SEMA4F: variants seen among roughly 807,000 people sequenced by gnomAD.
SEMA4F encodes the protein ssemaphorin 4F.
Under a neutral mutation model 78.4 loss-of-function variants are expected in SEMA4F, and 51 were observed. The ratio of observed to expected loss-of-function variants is 0.65; its 90% confidence interval spans 0.52 to 0.82. SEMA4F has a LOEUF of 0.82. Ranked by LOEUF, SEMA4F falls within the 40% of genes least tolerant of loss-of-function variation. The pLI, the probability that SEMA4F is intolerant of heterozygous loss-of-function variation, is 0.00. For synonymous variants in SEMA4F, 418 were observed against 408.7 expected, an observed-to-expected ratio of 1.02 and a Z score of -0.27; for missense variants, 938 against 1,014.4, an observed-to-expected ratio of 0.92 and a Z score of 1.02.
the SEMA4F span, among the ~76,000 whole-genome samples, chr2:74,692,218 A>T: frequency 0.082 from 12,557 of 152,238 alleles, 1,764 homozygotes; most frequent in African/African-American, 0.29. Flanking sequence ...AGTAAGGATC[A>T]GATGCACCAC....
At chr2:74,693,024 G>A in the SEMA4F span, among the ~76,000 whole-genome samples, 1 of 152,190 alleles carries the variant, frequency 6.6e-6, no homozygotes, top group Non-Finnish European at 1.5e-5. Flanking sequence ...ATAGGCCAGA[G>A]ATACAATCTG....
Position 74,657,577 on chromosome 2 carries a change from G to A in SEMA4F, c.310G>A (p.Val104Ile). Reference sequence around the variant, plus strand: ...TCTCCTTTCTCAGATTGACTGGATGGTTCCTGAGGCTCACAGACAGAACTG... The same window carrying A: ...TCTCCTTTCTCAGATTGACTGGATGATTCCTGAGGCTCACAGACAGAACTG... ...GERPRRIDWM[V>I]PEAHRQNCRK... The change falls in exon 3 of 14, where the codon GTT (valine) becomes ATT (isoleucine). Residue 104 changes from valine to isoleucine, a missense_variant. Transcript: ENST00000357877. 1 of 1,614,156 alleles carries A rather than the reference G, an allele frequency of 6.2e-7. No homozygotes were observed. The highest frequency in any genetic ancestry group is 1.1e-5 in the South Asian group (1 of 91,086).
At chr2:74,684,776 C>T (rs1411227603), downstream of SEMA4F, among the ~76,000 whole-genome samples, 1 of 152,130 alleles carries the variant, frequency 6.6e-6, no homozygotes, top group Non-Finnish European at 1.5e-5. Context: ...GCAGCCAGGG[C>T]AAAATGACGG....
At chr2:74,677,045 G>A (rs1263148140) in intron 12 of SEMA4F, among the ~76,000 whole-genome samples, 5 of 152,052 alleles carry the variant, frequency 3.3e-5, no homozygotes, top group Non-Finnish European at 7.4e-5. Flanking sequence ...GGGATTACAG[G>A]TGCCCGCCAC....
chr2:74,672,067 C>T (rs752037600), intron 5 of SEMA4F, among the ~76,000 whole-genome samples: 3 of 152,196 alleles, frequency 2.0e-5, no homozygotes, highest in Admixed American at 6.5e-5. Flanking sequence ...TCACTTTCCT[C>T]CTAAAAAAAG....
In SEMA4F at chr2:74,662,792, G is replaced by C. The variant is rs1354411590; in HGVS notation, c.517G>C (p.Glu173Gln). The C allele has an allele frequency of 2.5e-6, 4 of 1,614,060 alleles. No homozygotes were observed. The African/African-American group carries it at 5.3e-5, about 22-fold the overall frequency. The change falls in exon 5 of 14, where the codon GAG (glutamate) becomes CAG (glutamine). Residue 173 changes from glutamate (E) to glutamine (Q), a missense_variant. Glu to Gln is a conservative substitution (Grantham distance 29). Transcript: ENST00000357877. ...LESGRGKCPFEPAQRSAAVMA... is the reference protein window; with the variant it reads ...LESGRGKCPFQPAQRSAAVMA... ...GAGTGGCCGGGGGAAATGTCCTTTT[G>C]AGCCAGCTCAGCGGTCAGCAGCTGT...
chr2:74,677,311 G>A (rs1685346418), intron 12 of SEMA4F, among the ~76,000 whole-genome samples: 1 of 152,090 alleles, frequency 6.6e-6, no homozygotes, highest in African/African-American at 2.4e-5. Flanking sequence ...ACAACCATCA[G>A]CTCCTGGTCA....
At chr2:74,684,750 G>A (rs1194315561), downstream of SEMA4F, among the ~76,000 whole-genome samples, 1 of 152,176 alleles carries the variant, frequency 6.6e-6, no homozygotes, top group African/African-American at 2.4e-5. Flanking sequence ...GATCACTTGA[G>A]CCCAGGAGTT....
At chr2:74,679,177 A>G (rs1423157074) in intron 12 of SEMA4F, 99 bp from the exon 13 acceptor site, 1 of 952,260 alleles carries the variant, frequency 1.1e-6, no homozygotes, top group Non-Finnish European at 1.7e-6. Flanking sequence ...GATTTCTGGG[A>G]TGATGGGAGA....
intron 4 of SEMA4F, among the ~76,000 whole-genome samples, chr2:74,660,583 A>AATG (rs1416858872): frequency 6.6e-6 from 1 of 152,248 alleles, no homozygotes; most frequent in Admixed American, 6.5e-5. Context: ...TGACTAACAC[A>AATG]ATGATGATAC....
chr2:74,674,475 C>T (rs363608), intron 7 of SEMA4F, 23 bp from the exon 8 acceptor site: 289,050 of 1,590,170 alleles, frequency 0.18, 40,709 homozygotes, highest in East Asian at 0.84. Flanking sequence ...TAAAGAGAAC[C>T]TCCCATGTGT....
chr2:74,674,972 A>G lies in SEMA4F; in HGVS notation c.1086A>G (p.Lys362=). The change falls in exon 9 of 14, where the codon AAA becomes AAG. Residue 362 remains lysine (K), a synonymous_variant. Coordinates refer to ENST00000357877, the MANE Select transcript of SEMA4F (RefSeq NM_004263.5). The part of the protein sequence containing the change: ...TVLNGPFREL[K]HDCNRGLPVV... ...TGAATGGTCCCTTCAGAGAACTAAA[A>G]CATGACTGCAACAGAGGACTGCCTG... The G allele has an allele frequency of 6.2e-7, 1 of 1,613,438 alleles. No individual in the cohort carries two copies. Among genetic ancestry groups the G allele is most frequent in the East Asian group, 2.2e-5 (1 of 44,808 alleles).
chr2:74,656,459 C>T (rs1350821695), intron 1 of SEMA4F, 75 bp from the exon 2 acceptor site: 25 of 1,485,532 alleles, frequency 1.7e-5, no homozygotes, highest in Non-Finnish European at 2.1e-5. Context: ...CAAAAATTGG[C>T]CCCTTTGGTT....
chr2:74,677,395 C>A (rs946616445), intron 12 of SEMA4F, among the ~76,000 whole-genome samples: 1 of 152,094 alleles, frequency 6.6e-6, no homozygotes, highest in Non-Finnish European at 1.5e-5. Context: ...TCACTTCATC[C>A]ATAAATCTTT....
At chr2:74,692,926 T>G in the SEMA4F span, among the ~76,000 whole-genome samples, 1 of 152,204 alleles carries the variant, frequency 6.6e-6, no homozygotes, top group African/African-American at 2.4e-5. Flanking sequence ...TGAAAGAAAT[T>G]TATCTAAACA....
chr2:74,691,225 A>G, the SEMA4F span, among the ~76,000 whole-genome samples: 1 of 152,242 alleles, frequency 6.6e-6, no homozygotes, highest in African/African-American at 2.4e-5. Context: ...TAAATATGTC[A>G]ACCGTAAAAA....
the SEMA4F span, among the ~76,000 whole-genome samples, chr2:74,692,076 C>T: frequency 1.6e-4 from 24 of 152,112 alleles, no homozygotes; most frequent in South Asian, 6.2e-4. Context: ...AAAGAAGTAC[C>T]AGGCTCTAGG....
downstream of SEMA4F, among the ~76,000 whole-genome samples, chr2:74,684,571 A>G (rs1408482628): frequency 1.3e-5 from 2 of 152,136 alleles, no homozygotes; most frequent in Non-Finnish European, 2.9e-5. Context: ...TCACATTTCA[A>G]TGATCAAAGC....
the SEMA4F span, among the ~76,000 whole-genome samples, chr2:74,708,543 C>T: frequency 3.3e-5 from 5 of 152,310 alleles, no homozygotes; most frequent in East Asian, 5.8e-4. Context: ...ACTTACACAA[C>T]CACCTGGCAA....
Sources: allele counts gnomAD v4.1 joint callset (sites outside exome capture counted in the v4.1 genomes callset), GRCh38; gene constraint gnomAD v4.1.1; transcripts MANE v1.5; gene names NCBI Gene and HGNC (gene_info 2026-07-23, HGNC 2026-07-21).